MGAT4A: variants seen among roughly 807,000 people sequenced by gnomAD.
The protein encoded by MGAT4A is N-acetylglucosaminyltransferase IVa.
In MGAT4A, 33 loss-of-function variants were observed where a neutral mutation model predicts 74.1. The ratio of observed to expected loss-of-function variants is 0.45; its 90% CI spans 0.34 to 0.60. The LOEUF is 0.60. Ranked by LOEUF, MGAT4A falls within the 20% of genes least tolerant of loss-of-function variation. MGAT4A has a pLI of 0.02. For missense variants in MGAT4A, 479 were observed against 628.3 expected, an observed-to-expected ratio of 0.76 and a Z score of 2.54; for synonymous variants, 198 against 210.4, an observed-to-expected ratio of 0.94 and a Z score of 0.51.
intron 2 of MGAT4A, among the ~76,000 whole-genome samples, chr2:98,681,595 T>C (rs1481919817): frequency 6.6e-6 from 1 of 152,156 alleles, no homozygotes; most frequent in Non-Finnish European, 1.5e-5. Flanking sequence ...ATTAGAATCC[T>C]ACCCTTCAGA....
chr2:98,654,051 G>A (rs952847983), intron 8 of MGAT4A, among the ~76,000 whole-genome samples: 2 of 151,452 alleles, frequency 1.3e-5, no homozygotes, highest in Non-Finnish European at 2.9e-5. Context: ...ACAAAATGGA[G>A]GAAAAAAACA....
chr2:98,637,355 AAAAG>A (rs998157207), intron 12 of MGAT4A, among the ~76,000 whole-genome samples: 30 of 151,624 alleles, frequency 2.0e-4, no homozygotes, highest in African/African-American at 6.8e-4. Context: ...TAATAATAAT[AAAAG>A]AAACAAAGAC....
intron 5 of MGAT4A, among the ~76,000 whole-genome samples, chr2:98,659,227 G>A (rs1701708815): frequency 6.6e-6 from 1 of 152,202 alleles, no homozygotes; most frequent in African/African-American, 2.4e-5. Context: ...CTATGTCAAA[G>A]ACCGTGAAAT....
chr2:98,715,412 G>A (rs554736329), intron 2 of MGAT4A, among the ~76,000 whole-genome samples: 1 of 151,396 alleles, frequency 6.6e-6, no homozygotes, highest in African/African-American at 2.4e-5. Context: ...AATGAATGAT[G>A]GAAACAGAAA....
At chr2:98,649,518 A>G (rs1249770874) in intron 8 of MGAT4A, among the ~76,000 whole-genome samples, 1 of 152,172 alleles carries the variant, frequency 6.6e-6, no homozygotes, top group Non-Finnish European at 1.5e-5. Context: ...TGTCTCATCT[A>G]AATCATAGTG....
Position 98,722,119 on chromosome 2 carries a change from A to G in MGAT4A, c.94+4120T>C, listed in dbSNP as rs544103178. On this transcript the variant is annotated intron_variant, in intron 2 of 15. Coordinates refer to ENST00000393487, the MANE Select transcript of MGAT4A (RefSeq NM_012214.3). ...TCAAATGATTAAACATAATAGAGTT[A>G]TGATAGGACCCAGCAATTCCACTCC... Among the ~76,000 whole-genome samples the G allele has an allele frequency of 1.1e-4, 16 of 152,370 alleles. No homozygotes were observed. The South Asian group carries it at 3.1e-3, about 30-fold the overall frequency.
chr2:98,692,269 G>T lies in MGAT4A; in HGVS notation c.95-13798C>A, dbSNP rs535498444. On this transcript the variant is annotated intron_variant, in intron 2 of 15. Coordinates refer to ENST00000393487, the MANE Select transcript of MGAT4A (RefSeq NM_012214.3). ...CCACTACACTCAGCTAATTTTTGTG[G>T]TTTTTTTCTTTTTTTGTAGAGACAG... Among the ~76,000 whole-genome samples the T allele has an allele frequency of 5.3e-5, 8 of 151,670 alleles. 1 individual carries two copies. The South Asian group carries it at 6.3e-4, about 12-fold the overall frequency.
rs530239528 is a variant in MGAT4A, at chr2:98,721,076, TA to T, written c.94+5162del. ...GACATTACTTACAAGGGAACTTCCATAAGATTAATAGCTGACTTCTCAGCAG... is the reference window on the plus strand; with the variant it reads ...GACATTACTTACAAGGGAACTTCCATAGATTAATAGCTGACTTCTCAGCAG... On this transcript the variant is annotated intron_variant, in intron 2 of 15. Transcript: ENST00000393487. Among the ~76,000 whole-genome samples, 404 of 152,248 alleles carry T rather than the reference TA, an allele frequency of 2.7e-3. 2 individuals carry two copies. Among genetic ancestry groups the T allele is most frequent in the Non-Finnish European group, 4.1e-3 (276 of 68,024 alleles).
At chr2:98,676,908 AGTCCATGAGTTTCAACATCAG>A (rs1250943794) in intron 3 of MGAT4A, among the ~76,000 whole-genome samples, 1 of 152,226 alleles carries the variant, frequency 6.6e-6, no homozygotes, top group Non-Finnish European at 1.5e-5. Context: ...TATCTACACT[AGTCCATGAGTTTCAACATCAG>A]GGTGACATAA....
At chr2:98,678,565 G>T in intron 2 of MGAT4A, 94 bp from the exon 3 acceptor site, 1 of 769,674 alleles carries the variant, frequency 1.3e-6, no homozygotes, top group Non-Finnish European at 1.8e-6. Flanking sequence ...GTTTAAAGTT[G>T]AGTTTTTCAG....
chr2:98,641,601 G>A (rs1000543608), intron 10 of MGAT4A, among the ~76,000 whole-genome samples: 5 of 151,524 alleles, frequency 3.3e-5, no homozygotes, highest in Admixed American at 6.6e-5. Context: ...GCGTGAACAC[G>A]GGAGGCGGAG....
At chr2:98,689,621 AAGACT>A (rs1433207469) in intron 2 of MGAT4A, among the ~76,000 whole-genome samples, 1 of 152,216 alleles carries the variant, frequency 6.6e-6, no homozygotes, top group Non-Finnish European at 1.5e-5. Context: ...TCAGAAGTTC[AAGACT>A]AGCCTCGGCA....
intron 1 of MGAT4A, among the ~76,000 whole-genome samples, chr2:98,727,617 G>T (rs1469914620): frequency 6.6e-6 from 1 of 152,134 alleles, no homozygotes; most frequent in Non-Finnish European, 1.5e-5. Flanking sequence ...ACACTGTAGT[G>T]GGGGAGTTAA....
At chr2:98,662,136 T>C (rs147970350) in intron 5 of MGAT4A, among the ~76,000 whole-genome samples, 1 of 152,238 alleles carries the variant, frequency 6.6e-6, no homozygotes, top group East Asian at 1.9e-4. Context: ...TCAAATAAAG[T>C]CTGTAGTTTG....
At chr2:98,691,483 T>C (rs1274738067) in intron 2 of MGAT4A, among the ~76,000 whole-genome samples, 2 of 151,966 alleles carry the variant, frequency 1.3e-5, no homozygotes, top group Non-Finnish European at 2.9e-5. Flanking sequence ...TCCTATCGCC[T>C]AGTGACACTG....
At chr2:98,675,551 CT>C (rs143576109) in intron 3 of MGAT4A, among the ~76,000 whole-genome samples, 225 of 143,934 alleles carry the variant, frequency 1.6e-3, no homozygotes, top group Admixed American at 1.8e-3. Flanking sequence ...CTTCCATTTT[CT>C]TTTTTTTTTT....
chr2:98,630,347 T>C (rs1443823026), intron 14 of MGAT4A, among the ~76,000 whole-genome samples: 3 of 152,186 alleles, frequency 2.0e-5, no homozygotes, highest in Non-Finnish European at 2.9e-5. Context: ...CACAGAAAGA[T>C]ATTTATATCA....
At chr2:98,668,472 G>C (rs991534461) in intron 4 of MGAT4A, among the ~76,000 whole-genome samples, 1 of 152,226 alleles carries the variant, frequency 6.6e-6, no homozygotes, top group African/African-American at 2.4e-5. Context: ...GATTTCAGAG[G>C]ATGAATGGAT....
At chr2:98,634,930 G>C (rs2104225046) in intron 14 of MGAT4A, among the ~76,000 whole-genome samples, 1 of 152,058 alleles carries the variant, frequency 6.6e-6, no homozygotes, top group South Asian at 2.1e-4. Flanking sequence ...GCTGAGGCTG[G>C]AGAGGAGCTA....
Sources: allele counts gnomAD v4.1 joint callset (sites outside exome capture counted in the v4.1 genomes callset), GRCh38; gene constraint gnomAD v4.1.1; transcripts MANE v1.5; gene names NCBI Gene and HGNC (gene_info 2026-07-23, HGNC 2026-07-21).